The following ROBO2 variants were observed in gnomAD, a reference collection of about 807,000 sequenced individuals.
The protein encoded by ROBO2 is roundabout homolog 2.
Under a neutral mutation model 160.8 loss-of-function variants are expected in ROBO2, and 53 were observed. The observed-to-expected ratio is 0.33, with a 90% CI of 0.26 to 0.41. The LOEUF (loss-of-function observed/expected upper bound fraction) is 0.41. ROBO2 is among the 10% of genes least tolerant of loss of function. The pLI, the probability that ROBO2 is intolerant of heterozygous loss-of-function variation, is 1.00. For missense variants in ROBO2, 1,577 were observed against 1,722.4 expected, an observed-to-expected ratio of 0.92 and a Z score of 1.49; for synonymous variants, 664 against 611.7, an observed-to-expected ratio of 1.09 and a Z score of -1.26.
In ROBO2 at chr3:77,492,050, A is replaced by G. The variant is rs116092649; in HGVS notation, c.668-1194A>G. ...TTTCTTTGAAGGTTTCCTGCCGAAT[A>G]CATTTTAGTTTTTGTGCCACTGTAT... On this transcript the variant is annotated intron_variant, in intron 4 of 25. Transcript: ENST00000461745. Among the ~76,000 whole-genome samples the G allele has an allele frequency of 2.1e-3, 327 of 152,332 alleles. 1 individual carries two copies. Among genetic ancestry groups the G allele is most frequent in the African/African-American group, 7.7e-3 (322 of 41,574 alleles).
At chr3:76,734,535 C>G (rs974189228) in intron 2 of ROBO2, among the ~76,000 whole-genome samples, 1 of 152,124 alleles carries the variant, frequency 6.6e-6, no homozygotes, top group Non-Finnish European at 1.5e-5. Flanking sequence ...TTTGGAGAAA[C>G]GACTTTCAGC....
intron 2 of ROBO2, among the ~76,000 whole-genome samples, chr3:76,658,589 T>C (rs1189718459): frequency 1.3e-5 from 2 of 152,104 alleles, no homozygotes; most frequent in Non-Finnish European, 2.9e-5. Context: ...ATGCAGTGCT[T>C]GGTTTTCTGT....
exon 17 of ROBO2, chr3:77,588,800 G>A (rs370260341): frequency 2.1e-5 from 34 of 1,613,426 alleles, no homozygotes; most frequent in Non-Finnish European, 2.9e-5. Flanking sequence ...GCATAACTGA[G>A]CAAATCACTG....
chr3:77,079,807 G>A (rs1297334422), intron 1 of ROBO2, among the ~76,000 whole-genome samples: 4 of 152,092 alleles, frequency 2.6e-5, no homozygotes, highest in African/African-American at 9.7e-5. Context: ...GCTAGCCAGG[G>A]GCTGTGTTGT....
At chr3:77,496,299 G>A (rs1018994270) in intron 5 of ROBO2, among the ~76,000 whole-genome samples, 2 of 152,136 alleles carry the variant, frequency 1.3e-5, no homozygotes, top group Admixed American at 1.3e-4. Flanking sequence ...AGAAACTGAG[G>A]TCAGTATTTC....
At chr3:77,403,525 C>G (rs749416594) in intron 2 of ROBO2, among the ~76,000 whole-genome samples, 1 of 151,094 alleles carries the variant, frequency 6.6e-6, no homozygotes, top group African/African-American at 2.4e-5. Flanking sequence ...TCCATGCTGC[C>G]ATGAATGACA....
intron 2 of ROBO2, among the ~76,000 whole-genome samples, chr3:77,333,069 C>T (rs1318763953): frequency 6.6e-6 from 1 of 152,152 alleles, no homozygotes; most frequent in Non-Finnish European, 1.5e-5. Context: ...ATACTTTGTG[C>T]AGATACCTCT....
chr3:76,914,747 A>G (rs752320791), intron 2 of ROBO2, among the ~76,000 whole-genome samples: 1 of 152,152 alleles, frequency 6.6e-6, no homozygotes, highest in South Asian at 2.1e-4. Context: ...TAGAGATAAT[A>G]TTGTTTGCAT....
At chr3:77,286,808 A>G (rs2060634638) in intron 2 of ROBO2, among the ~76,000 whole-genome samples, 1 of 152,178 alleles carries the variant, frequency 6.6e-6, no homozygotes, top group Admixed American at 6.5e-5. Flanking sequence ...TACTTGAAAC[A>G]TTACTACTTT....
At chr3:77,454,651 G>A (rs1272439052) in intron 2 of ROBO2, among the ~76,000 whole-genome samples, 1 of 152,076 alleles carries the variant, frequency 6.6e-6, no homozygotes, top group East Asian at 1.9e-4. Flanking sequence ...ATTTTGAAAG[G>A]TGTTTCCTTT....
chr3:76,906,319 A>G (rs889470216), intron 2 of ROBO2, among the ~76,000 whole-genome samples: 24 of 152,010 alleles, frequency 1.6e-4, no homozygotes, highest in African/African-American at 5.5e-4. Flanking sequence ...TATAAATTCA[A>G]TGCAATATAT....
chr3:77,613,836 A>G (rs947273982), intron 21 of ROBO2, among the ~76,000 whole-genome samples: 1 of 152,202 alleles, frequency 6.6e-6, no homozygotes, highest in Non-Finnish European at 1.5e-5. Flanking sequence ...CAGCACTGGA[A>G]ATGACATAAG....
intron 1 of ROBO2, among the ~76,000 whole-genome samples, chr3:75,921,887 T>C (rs1464064060): frequency 6.6e-6 from 1 of 152,046 alleles, no homozygotes; most frequent in African/African-American, 2.4e-5. Flanking sequence ...GTAGAACAAA[T>C]TGGTAAAGCT....
intron 2 of ROBO2, among the ~76,000 whole-genome samples, chr3:76,746,394 C>T (rs1015765541): frequency 2.6e-5 from 4 of 152,034 alleles, no homozygotes; most frequent in African/African-American, 4.8e-5. Context: ...TTCTAGGTCC[C>T]TGAGGAATCT....
intron 2 of ROBO2, among the ~76,000 whole-genome samples, chr3:76,060,017 T>C (rs535973247): frequency 6.6e-6 from 1 of 152,214 alleles, no homozygotes; most frequent in Non-Finnish European, 1.5e-5. Flanking sequence ...ATATCTCTGT[T>C]TTGGTACCAG....
chr3:77,621,926 C>T (rs557645623), intron 22 of ROBO2, among the ~76,000 whole-genome samples: 3 of 152,030 alleles, frequency 2.0e-5, no homozygotes, highest in Admixed American at 6.5e-5. Flanking sequence ...TTACTCGTGG[C>T]GAATATTCCT....
At chr3:76,397,667 C>T (rs1391649887) in intron 2 of ROBO2, among the ~76,000 whole-genome samples, 1 of 151,978 alleles carries the variant, frequency 6.6e-6, no homozygotes, top group Non-Finnish European at 1.5e-5. Flanking sequence ...GGGCGAAGGA[C>T]ATGAACAGAC....
intron 2 of ROBO2, among the ~76,000 whole-genome samples, chr3:77,324,217 T>A (rs1249269414): frequency 6.6e-6 from 1 of 152,150 alleles, no homozygotes; most frequent in Non-Finnish European, 1.5e-5. Flanking sequence ...GTTACTGCAG[T>A]ATGTTGATGA....
chr3:76,946,142 T>C (rs1459283526), intron 2 of ROBO2, among the ~76,000 whole-genome samples: 3 of 152,116 alleles, frequency 2.0e-5, no homozygotes, highest in African/African-American at 7.2e-5. Flanking sequence ...TAGAACACTG[T>C]TTAGTGTACG....
Sources: gnomAD v4.1 joint callset for allele counts (sites outside exome capture counted in the v4.1 genomes callset) on GRCh38, gnomAD v4.1.1 for gene constraint, MANE v1.5 for transcripts, NCBI Gene and HGNC (gene_info 2026-07-23, HGNC 2026-07-21) for gene names.